ANK3: variants seen among roughly 807,000 people sequenced by gnomAD.
ANK3 encodes ankyrin-3.
Under a neutral mutation model 370.9 loss-of-function variants are expected in ANK3, and 57 were observed. The observed-to-expected ratio is 0.15, with a 90% confidence interval of 0.12 to 0.19. The LOEUF is 0.19. ANK3 is among the 10% of genes least tolerant of loss of function. The pLI, the probability that ANK3 is intolerant of heterozygous loss-of-function variation, is 1.00. For synonymous variants in ANK3, 1,929 were observed against 1,946.3 expected, an observed-to-expected ratio of 0.99 and a Z score of 0.23; for missense variants, 4,439 against 5,302.1, an observed-to-expected ratio of 0.84 and a Z score of 5.06.
chr10:60,678,408 G>C (rs74155675), intron 1 of ANK3, among the ~76,000 whole-genome samples: 1 of 152,072 alleles, frequency 6.6e-6, no homozygotes, highest in Admixed American at 6.5e-5. Context: ...AAATAAGAGA[G>C]TTTGGCATAG....
intron 5 of ANK3, among the ~76,000 whole-genome samples, chr10:60,267,031 C>T (rs538205617): frequency 6.6e-6 from 1 of 152,032 alleles, no homozygotes; most frequent in East Asian, 1.9e-4. Context: ...AATACAAAAA[C>T]GTTTTAAAAA....
In ANK3 at chr10:60,028,049, A is replaced by AAAAC. The variant is rs2072501593; in HGVS notation, c.*1793_*1796dup. ...AAATGTAAATTAATAAAACAAAACA[A>AAAAC]AAACAAGCTCTGTGGGCTAAAAGCA... On this transcript the variant is annotated 3_prime_UTR_variant, in exon 44 of 44. Transcript: ENST00000280772. 6.6e-6 allele frequency: 1 copy of AAAAC among 152,252 alleles called. No homozygotes were observed. The allele number at this position is 152,252 out of a possible 1,614,324, so 9.4% of individuals were successfully genotyped here. A position where few individuals can be genotyped will look rare whatever the true frequency, so the allele number is the denominator to read the frequency against.
intron 1 of ANK3, among the ~76,000 whole-genome samples, chr10:60,616,365 T>C (rs1353368361): frequency 6.6e-5 from 10 of 152,160 alleles, no homozygotes. Context: ...TGAAAATCAA[T>C]CATAGTCCTA....
intron 18 of ANK3, among the ~76,000 whole-genome samples, chr10:60,175,439 T>C (rs1178485733): frequency 6.6e-6 from 1 of 152,206 alleles, no homozygotes; most frequent in Admixed American, 6.5e-5. Context: ...TCCCTATTTT[T>C]TTCTTGAGTA....
chr10:60,224,217 A>C (rs1276044803), intron 8 of ANK3, among the ~76,000 whole-genome samples: 1 of 152,136 alleles, frequency 6.6e-6, no homozygotes, highest in African/African-American at 2.4e-5. Flanking sequence ...AAGGGAAATG[A>C]AATTGCATGG....
chr10:60,312,853 C>A (rs972066648), intron 1 of ANK3, among the ~76,000 whole-genome samples: 1 of 152,212 alleles, frequency 6.6e-6, no homozygotes, highest in Non-Finnish European at 1.5e-5. Flanking sequence ...ATCAGAGCCA[C>A]AGCTATGGCC....
intron 2 of ANK3, among the ~76,000 whole-genome samples, chr10:60,440,840 G>GTAATGTGTGTGAGGTGGCA (rs1298302285): frequency 1.3e-5 from 2 of 152,202 alleles, no homozygotes; most frequent in Non-Finnish European, 2.9e-5. Context: ...AATGTAGGAA[G>GTAATGTGTGTGAGGTGGCA]TAATGTGTGT....
At chr10:60,671,487 C>T (rs1407819497) in intron 1 of ANK3, among the ~76,000 whole-genome samples, 1 of 152,194 alleles carries the variant, frequency 6.6e-6, no homozygotes, top group Non-Finnish European at 1.5e-5. Flanking sequence ...TTCAGCACTT[C>T]CTTTGTGTTT....
At chr10:60,032,860 CTT>C (rs1439682987) in intron 43 of ANK3, among the ~76,000 whole-genome samples, 2 of 152,128 alleles carry the variant, frequency 1.3e-5, no homozygotes, top group African/African-American at 2.4e-5. Context: ...GGACAAAAGA[CTT>C]TACACCAAGT....
chr10:60,281,030 TAA>T (rs1419661499), intron 1 of ANK3, among the ~76,000 whole-genome samples: 1 of 152,170 alleles, frequency 6.6e-6, no homozygotes, highest in Non-Finnish European at 1.5e-5. Context: ...TGCCAGTCTT[TAA>T]GAGAGGAATG....
chr10:60,281,113 G>A (rs2098155709), intron 1 of ANK3, among the ~76,000 whole-genome samples: 1 of 152,158 alleles, frequency 6.6e-6, no homozygotes, highest in South Asian at 2.1e-4. Flanking sequence ...TGGTTCCAGT[G>A]TGGGTCAATT....
Position 60,068,822 on chromosome 10 carries a change from T to A in ANK3, c.12059A>T (p.Lys4020Met), listed in dbSNP as rs1268832046. The change falls in exon 37 of 44, where the codon AAG becomes ATG. Residue 4020 changes from lysine (K) to methionine (M), a missense_variant. Lys to Met is a moderately conservative substitution (Grantham distance 95, BLOSUM62 -1). Coordinates refer to ENST00000280772, the MANE Select transcript of ANK3 (RefSeq NM_020987.5). ...LVDRLSEEEK[K>M]MQSELSDEEE... is the part of the protein sequence containing the mutation. The stretch of plus-strand genomic sequence containing the variant: ...CTCATCGGACAACTCGGACTGCATC[T>A]TTTTTTCTTCTTCAGAGAGGCGGTC... 1.9e-6 allele frequency: 3 copies of A among 1,614,078 alleles called. No individual in the cohort carries two copies. In the East Asian group the frequency reaches 6.7e-5, roughly 36 times the overall value.
intron 2 of ANK3, among the ~76,000 whole-genome samples, chr10:60,541,052 G>C (rs926380907): frequency 6.6e-6 from 1 of 151,764 alleles, no homozygotes; most frequent in African/African-American, 2.4e-5. Context: ...TAGTTAAAAA[G>C]TAATCTAGTA....
chr10:60,614,505 A>G (rs2078242070), intron 2 of ANK3, among the ~76,000 whole-genome samples: 2 of 152,188 alleles, frequency 1.3e-5, no homozygotes, highest in Admixed American at 1.3e-4. Context: ...GCTGGTTGAA[A>G]AGAATAGTGG....
chr10:60,194,120 C>CA lies in ANK3; in HGVS notation c.1887+2024dup, dbSNP rs528827751. Among the ~76,000 whole-genome samples, 42 of 150,606 alleles carry CA rather than the reference C, an allele frequency of 2.8e-4. 1 individual carries two copies. Among genetic ancestry groups the CA allele is most frequent in the Admixed American group, 1.3e-3 (19 of 15,148 alleles). ...TGGGTGACAGAGCGAGACTCCGTCT[C>CA]AAAAAAAAGAAAGAAAAAGAAAGAG... On this transcript the variant is annotated intron_variant, in intron 16 of 43. Coordinates refer to ENST00000280772, the MANE Select transcript of ANK3 (RefSeq NM_020987.5).
chr10:60,230,057 A>C (rs942691081), intron 8 of ANK3, among the ~76,000 whole-genome samples: 2 of 152,194 alleles, frequency 1.3e-5, no homozygotes, highest in African/African-American at 4.8e-5. Context: ...ATCTTCTCTG[A>C]AGCACTAAAT....
intron 25 of ANK3, among the ~76,000 whole-genome samples, chr10:60,120,755 C>A (rs2093417640): frequency 6.6e-6 from 1 of 152,150 alleles, no homozygotes. Context: ...AAATTTAAAT[C>A]CAAACCAGAA....
chr10:60,181,473 C>T, intron 17 of ANK3, 46 bp from the exon 18 acceptor site: 1 of 1,523,490 alleles, frequency 6.6e-7, no homozygotes, highest in Non-Finnish European at 9.1e-7. Context: ...GAAGGAATGT[C>T]ACACACATAG....
In ANK3 at chr10:60,114,246, A is replaced by G. The variant is rs1474592573; in HGVS notation, c.2927T>C (p.Val976Ala). The part of the protein sequence containing the change: ...AADTLDNVNL[V>A]SSPIHSGFLV... ...TTACCCAGAATGAATGGGGCTTGAA[A>G]CAAGATTGACATTGTCTAAGGTGTC... is the stretch of plus-strand genomic sequence containing the variant. Residue 976 changes from valine to alanine, a missense_variant, in exon 26 of 44, where the codon GTT becomes GCT. Val to Ala is a moderately conservative substitution (Grantham distance 64). Coordinates refer to ENST00000280772, the MANE Select transcript of ANK3 (RefSeq NM_020987.5). 1.9e-6 allele frequency: 3 copies of G among 1,605,822 alleles called. No individual in the cohort carries two copies. The highest frequency in any genetic ancestry group is 2.6e-6 in the Non-Finnish European group (3 of 1,176,314).
Sources: gnomAD v4.1 joint callset for allele counts (sites outside exome capture counted in the v4.1 genomes callset) on GRCh38, gnomAD v4.1.1 for gene constraint, MANE v1.5 for transcripts, NCBI Gene and HGNC (gene_info 2026-07-23, HGNC 2026-07-21) for gene names.